The following GABRG3 variants were observed in gnomAD, a reference collection of about 807,000 sequenced individuals.
The protein encoded by GABRG3 is gamma-aminobutyric acid type A receptor subunit gamma3, also known as gamma-aminobutyric acid receptor subunit gamma-3.
GABRG3 carries 25 observed loss-of-function variants against 48.8 expected under a neutral mutation model. The observed-to-expected ratio is 0.51, with a 90% CI of 0.37 to 0.72. The LOEUF (loss-of-function observed/expected upper bound fraction) is 0.72, where lower values mean the gene tolerates loss of function less well. Among genes scored for constraint, GABRG3 ranks in the 30% least tolerant of loss-of-function variants. The pLI, the probability that GABRG3 is intolerant of heterozygous loss-of-function variation, is 0.00. For synonymous variants in GABRG3, 227 were observed against 217.6 expected (o/e 1.04, Z -0.38); for missense variants, 394 against 577.9 (o/e 0.68, Z 3.26).
At chr15:27,191,551 C>CTT (rs1302009801) in intron 3 of GABRG3, among the ~76,000 whole-genome samples, 1 of 152,056 alleles carries the variant, frequency 6.6e-6, no homozygotes, top group Non-Finnish European at 1.5e-5. Context: ...CAACCCCTGC[C>CTT]TTTTTTTGTT....
chr15:27,167,509 G>A (rs1025934319), intron 3 of GABRG3, among the ~76,000 whole-genome samples: 2 of 152,178 alleles, frequency 1.3e-5, no homozygotes, highest in African/African-American at 4.8e-5. Flanking sequence ...GGCTCAGAGT[G>A]AGGCTATTGT....
chr15:27,380,162 T>A (rs1430416010), intron 5 of GABRG3, among the ~76,000 whole-genome samples: 1 of 152,192 alleles, frequency 6.6e-6, no homozygotes, highest in Non-Finnish European at 1.5e-5. Context: ...ATGTCCAATC[T>A]ATTAATGAAC....
chr15:27,492,787 C>T (rs1179013437), intron 6 of GABRG3, among the ~76,000 whole-genome samples: 1 of 152,184 alleles, frequency 6.6e-6, no homozygotes, highest in Non-Finnish European at 1.5e-5. Flanking sequence ...TGGCCTTAGG[C>T]CCTGCATTTC....
chr15:27,111,771 T>G (rs1237906485), intron 3 of GABRG3, among the ~76,000 whole-genome samples: 3 of 152,148 alleles, frequency 2.0e-5, no homozygotes, highest in Admixed American at 6.6e-5. Flanking sequence ...CAATCTGTCT[T>G]GTAGCAGGTC....
intron 3 of GABRG3, among the ~76,000 whole-genome samples, chr15:27,145,757 C>A (rs1898198478): frequency 6.6e-6 from 1 of 151,854 alleles, no homozygotes; most frequent in South Asian, 2.1e-4. Context: ...ATTTTCATAT[C>A]AAGTAATCTC....
chr15:27,530,924 G>C (rs553308116), intron 9 of GABRG3: 1 of 339,018 alleles, frequency 2.9e-6, no homozygotes, highest in East Asian at 7.8e-5. Context: ...CTTTCAACCG[G>C]AGGTTGTCAA....
At chr15:27,008,635 C>CTT (rs5811470) in intron 2 of GABRG3, among the ~76,000 whole-genome samples, 103 of 148,674 alleles carry the variant, frequency 6.9e-4, no homozygotes, top group African/African-American at 1.9e-3. Flanking sequence ...GTGCTGGCAG[C>CTT]TTTTTTTTTT....
At chr15:27,453,851 C>T (rs1889183149) in intron 5 of GABRG3, among the ~76,000 whole-genome samples, 1 of 152,208 alleles carries the variant, frequency 6.6e-6, no homozygotes, top group African/African-American at 2.4e-5. Flanking sequence ...ATCTGCCCAC[C>T]ACGGCCTCCC....
At chr15:27,046,029 C>G (rs1426972391) in intron 3 of GABRG3, among the ~76,000 whole-genome samples, 2 of 152,222 alleles carry the variant, frequency 1.3e-5, no homozygotes, top group African/African-American at 4.8e-5. Flanking sequence ...AGGGAAGCGT[C>G]ACGGAAGTGT....
intron 3 of GABRG3, among the ~76,000 whole-genome samples, chr15:27,281,051 A>C (rs1217216342): frequency 6.6e-6 from 1 of 152,034 alleles, no homozygotes; most frequent in Non-Finnish European, 1.5e-5. Flanking sequence ...GGATAGTTTG[A>C]CTATTTTATT....
At chr15:27,056,353 CAAAA>C (rs58665097) in intron 3 of GABRG3, among the ~76,000 whole-genome samples, 3 of 57,154 alleles carry the variant, frequency 5.2e-5, no homozygotes, top group African/African-American at 1.3e-4. Flanking sequence ...ACCCTGTCTC[CAAAA>C]AAAAAAAAAA....
intron 3 of GABRG3, among the ~76,000 whole-genome samples, chr15:27,072,867 G>T (rs1896850800): frequency 6.6e-6 from 1 of 152,222 alleles, no homozygotes; most frequent in African/African-American, 2.4e-5. Flanking sequence ...GTTCCCTGTG[G>T]AGTGGAAAAT....
intron 3 of GABRG3, among the ~76,000 whole-genome samples, chr15:27,243,631 G>A (rs1890191865): frequency 6.6e-6 from 1 of 152,176 alleles, no homozygotes; most frequent in African/African-American, 2.4e-5. Flanking sequence ...AGAGTTTGTG[G>A]TTTTGCCTCC....
chr15:27,477,807 A>G (rs1201172446), intron 5 of GABRG3, among the ~76,000 whole-genome samples: 4 of 152,134 alleles, frequency 2.6e-5, no homozygotes, highest in South Asian at 2.1e-4. Flanking sequence ...TTGGAAGGCC[A>G]AGGCGGGCAG....
chr15:27,341,450 C>T (rs1894174805), intron 5 of GABRG3, among the ~76,000 whole-genome samples: 1 of 152,158 alleles, frequency 6.6e-6, no homozygotes, highest in Non-Finnish European at 1.5e-5. Context: ...TGGGTCAGCC[C>T]GATGACTGCG....
chr15:27,224,451 C>T (rs1027402293), intron 3 of GABRG3, among the ~76,000 whole-genome samples: 4 of 152,170 alleles, frequency 2.6e-5, no homozygotes, highest in African/African-American at 9.7e-5. Flanking sequence ...GAAGCAGGTC[C>T]TCACCTGGGC....
At chr15:27,271,572 G>T (rs1207579676) in intron 3 of GABRG3, 1 of 451,094 alleles carries the variant, frequency 2.2e-6, no homozygotes, top group African/African-American at 2.1e-5. Flanking sequence ...AGAAGAGGAT[G>T]GCTGCTGGGT....
chr15:27,321,993 A>G (rs1406964761), intron 3 of GABRG3, among the ~76,000 whole-genome samples: 2 of 152,214 alleles, frequency 1.3e-5, no homozygotes, highest in Non-Finnish European at 2.9e-5. Context: ...TTTACATTGG[A>G]GGGTCCGCAT....
chr15:27,169,001 A>G (rs1887474911), intron 3 of GABRG3, among the ~76,000 whole-genome samples: 1 of 152,186 alleles, frequency 6.6e-6, no homozygotes, highest in Non-Finnish European at 1.5e-5. Flanking sequence ...TAATGAGTCT[A>G]TTAGAATAGA....
Sources: allele counts gnomAD v4.1 joint callset (sites outside exome capture counted in the v4.1 genomes callset), GRCh38; gene constraint gnomAD v4.1.1; transcripts MANE v1.5; gene names NCBI Gene and HGNC (gene_info 2026-07-23, HGNC 2026-07-21).